BPTF: variants seen among roughly 807,000 people sequenced by gnomAD.
The protein encoded by BPTF is nucleosome-remodeling factor subunit BPTF.
A neutral mutation model predicts 292.5 loss-of-function variants in BPTF; 18 were observed. That is an observed-to-expected ratio of 0.06 (90% CI 0.04 to 0.09). The LOEUF is 0.09. Among genes scored for constraint, BPTF ranks in the 10% least tolerant of loss-of-function variants. The pLI, the probability that BPTF is intolerant of heterozygous loss-of-function variation, is 1.00. For synonymous variants in BPTF, 1,225 were observed against 1,251.9 expected (o/e 0.98, Z 0.45); for missense variants, 2,726 against 3,498.7 (o/e 0.78, Z 5.57).
chr17:67,928,618 A>G lies in BPTF; in HGVS notation c.5998+17A>G, dbSNP rs370812145. 28 of 1,580,556 alleles carry G rather than the reference A, an allele frequency of 1.8e-5. No homozygotes were observed. The African/African-American group carries it at 3.4e-4, about 19-fold the overall frequency. On this transcript the variant is annotated intron_variant, in intron 16 of 27. Coordinates refer to ENST00000306378, the MANE Select transcript of BPTF (RefSeq NM_182641.4). ...CAAATTCAGGTATGGAACTATCATTAAGTAAAAGATTACTTTGGTTCAGGA... is the reference window on the plus strand; with the variant it reads ...CAAATTCAGGTATGGAACTATCATTGAGTAAAAGATTACTTTGGTTCAGGA...
At chr17:67,932,294 A>G (rs1363149413) in intron 18 of BPTF, among the ~76,000 whole-genome samples, 1 of 152,264 alleles carries the variant, frequency 6.6e-6, no homozygotes, top group Non-Finnish European at 1.5e-5. Context: ...CGTATAGCAA[A>G]AGACAGAAAA....
At chr17:67,903,719 A>C in intron 7 of BPTF, 70 bp from the exon 8 acceptor site, 2 of 1,373,686 alleles carry the variant, frequency 1.5e-6, no homozygotes, top group Non-Finnish European at 1.9e-6. Flanking sequence ...CTAATTTTTC[A>C]GTATTGCATT....
intron 18 of BPTF, among the ~76,000 whole-genome samples, chr17:67,936,317 T>A (rs1598772337): frequency 1.3e-5 from 2 of 152,304 alleles, no homozygotes; most frequent in South Asian, 4.1e-4. Context: ...ATTGATAAGA[T>A]TTAATATCTA....
In BPTF at chr17:67,840,431, A is replaced by G. The variant is rs186426604; in HGVS notation, c.614-13509A>G. On this transcript the variant is annotated intron_variant, in intron 1 of 27. Coordinates refer to ENST00000306378, the MANE Select transcript of BPTF (RefSeq NM_182641.4). ...CAAGATACCAAAATCTTTATTTAAG[A>G]TGTTTAATTGGGTTGCTGCTGCTCC... Among the ~76,000 whole-genome samples, 439 of 151,738 alleles carry G rather than the reference A, an allele frequency of 2.9e-3. 1 individual carries two copies. Among genetic ancestry groups the G allele is most frequent in the Non-Finnish European group, 4.1e-3 (279 of 67,898 alleles).
At chr17:67,920,286 A>C in intron 13 of BPTF, 143 bp downstream of exon 13, 1 of 912,526 alleles carries the variant, frequency 1.1e-6, no homozygotes. Context: ...AATGATATTA[A>C]AGTAATAAAC....
At chr17:67,973,656 C>T (rs1325655505) in intron 26 of BPTF, among the ~76,000 whole-genome samples, 2 of 151,978 alleles carry the variant, frequency 1.3e-5, no homozygotes, top group East Asian at 3.9e-4. Flanking sequence ...AAGGCATGTG[C>T]CACCATGCCT....
At chr17:67,875,484 C>T in intron 4 of BPTF, 2 of 1,226,644 alleles carry the variant, frequency 1.6e-6, no homozygotes, top group South Asian at 2.4e-5. Flanking sequence ...TAGTAGTTGA[C>T]TGAATGTGGC....
chr17:67,973,702 C>T (rs912046466), intron 26 of BPTF, among the ~76,000 whole-genome samples: 16 of 151,904 alleles, frequency 1.1e-4, no homozygotes, highest in African/African-American at 3.4e-4. Context: ...GACAGGGTTT[C>T]GCTGTGTTGG....
intron 23 of BPTF, among the ~76,000 whole-genome samples, chr17:67,952,445 T>C (rs2066466661): frequency 6.6e-6 from 1 of 151,970 alleles, no homozygotes; most frequent in Non-Finnish European, 1.5e-5. Context: ...CTATTTTCAG[T>C]AGAGATGGGG....
chr17:67,902,448 A>G (rs897150986), intron 7 of BPTF, among the ~76,000 whole-genome samples: 1 of 152,220 alleles, frequency 6.6e-6, no homozygotes, highest in Non-Finnish European at 1.5e-5. Context: ...TTGTGCCTAC[A>G]GAGCTAGTCC....
chr17:67,945,543 C>CCCCAGCCCCAAA lies in BPTF; in HGVS notation c.6846_6857dup (p.Thr2283_Gln2286dup). 6.2e-7 allele frequency: 1 copy of CCCCAGCCCCAAA among 1,612,582 alleles called. No homozygotes were observed. The highest frequency in any genetic ancestry group is 8.5e-7 in the Non-Finnish European group (1 of 1,179,278). On this transcript the variant is annotated inframe_insertion, in exon 21 of 28. Transcript: ENST00000306378. ...ACAGACTGCTCAGCCTTCAGCTCAG[C>CCCCAGCCCCAAA]CCCAGCCCCAAACCCAGCCCCAGTC... is the stretch of plus-strand genomic sequence containing the variant.
intron 7 of BPTF, among the ~76,000 whole-genome samples, chr17:67,903,064 T>A (rs75652518): frequency 0.013 from 1,951 of 152,374 alleles, 43 homozygotes; most frequent in African/African-American, 0.043. Flanking sequence ...TTGTGGCCGA[T>A]GCCTGTGTCT....
chr17:67,848,342 A>G (rs1234280556), intron 1 of BPTF, among the ~76,000 whole-genome samples: 1 of 152,162 alleles, frequency 6.6e-6, no homozygotes, highest in East Asian at 1.9e-4. Context: ...TTGCTACAAT[A>G]ACTAAAACAT....
intron 3 of BPTF, among the ~76,000 whole-genome samples, chr17:67,874,150 A>G (rs1309896427): frequency 4.6e-5 from 7 of 152,232 alleles, no homozygotes; most frequent in Non-Finnish European, 8.8e-5. Flanking sequence ...ATTAATATCC[A>G]TGAGTGCGTA....
intron 18 of BPTF, chr17:67,936,519 T>C (rs1486631402): frequency 2.0e-5 from 3 of 152,186 alleles, no homozygotes; most frequent in Admixed American, 2.0e-4. Context: ...GCTGTAAGTA[T>C]GTGTTTGTCT....
At chr17:67,897,341 CAAAAAAAAAAAAAAAAA>C (rs750678904) in intron 7 of BPTF, among the ~76,000 whole-genome samples, 2 of 17,766 alleles carry the variant, frequency 1.1e-4, no homozygotes, top group Non-Finnish European at 2.2e-4. Context: ...AACTCTGTCT[CAAAAAAAAAAAAAAAAA>C]AAAAAAAAAA....
At chr17:67,831,840 T>TA (rs1176222695) in intron 1 of BPTF, among the ~76,000 whole-genome samples, 2 of 152,172 alleles carry the variant, frequency 1.3e-5, no homozygotes, top group Non-Finnish European at 2.9e-5. Context: ...AGTGCCTGCT[T>TA]ACGGTGGTTA....
chr17:67,962,714 T>C (rs1482348545), intron 24 of BPTF, among the ~76,000 whole-genome samples: 1 of 152,254 alleles, frequency 6.6e-6, no homozygotes, highest in Non-Finnish European at 1.5e-5. Context: ...TCGATTAAAT[T>C]CCAATGTTTA....
intron 4 of BPTF, among the ~76,000 whole-genome samples, chr17:67,877,349 C>T (rs1237246690): frequency 6.6e-6 from 1 of 152,154 alleles, no homozygotes; most frequent in Non-Finnish European, 1.5e-5. Context: ...ATGTGCCTGG[C>T]TATGTGCTAG....
Sources: allele counts gnomAD v4.1 joint callset (sites outside exome capture counted in the v4.1 genomes callset), GRCh38; gene constraint gnomAD v4.1.1; transcripts MANE v1.5; gene names NCBI Gene and HGNC (gene_info 2026-07-23, HGNC 2026-07-21).